The following PDS5A variants were observed in gnomAD, a reference collection of about 807,000 sequenced individuals.
PDS5A encodes the protein sister chromatid cohesion protein PDS5 homolog A.
In PDS5A, 42 loss-of-function variants were observed where a neutral mutation model predicts 167.1. The ratio of observed to expected loss-of-function variants is 0.25; its 90% CI spans 0.20 to 0.33. PDS5A has a LOEUF of 0.33. Among genes scored for constraint, PDS5A ranks in the 10% least tolerant of loss-of-function variants. The pLI is 1.00. For synonymous variants in PDS5A, 553 were observed against 554.6 expected, an observed-to-expected ratio of 1.00 and a Z score of 0.04; for missense variants, 1,033 against 1,605.9, an observed-to-expected ratio of 0.64 and a Z score of 6.10.
chr4:39,930,247 G>GATTTTTTTTTT (rs1725914090), intron 2 of PDS5A, among the ~76,000 whole-genome samples: 1 of 61,952 alleles, frequency 1.6e-5, no homozygotes, highest in Non-Finnish European at 3.2e-5. Flanking sequence ...AAAAAAAAAA[G>GATTTTTTTTTT]TTTTTTTGTT....
At chr4:39,861,902 TC>T (rs1256235268) in intron 26 of PDS5A, among the ~76,000 whole-genome samples, 3 of 152,162 alleles carry the variant, frequency 2.0e-5, no homozygotes, top group African/African-American at 4.8e-5. Context: ...TTCACATACT[TC>T]AGTACTCTTC....
At chr4:39,852,947 T>C (rs1718236235) in intron 26 of PDS5A, among the ~76,000 whole-genome samples, 1 of 152,164 alleles carries the variant, frequency 6.6e-6, no homozygotes, top group South Asian at 2.1e-4. Flanking sequence ...TTCCTAGACT[T>C]TGTTAATCTT....
At chr4:39,908,635 C>T (rs962725756) in intron 10 of PDS5A, 95 bp from the exon 11 acceptor site, 1 of 726,782 alleles carries the variant, frequency 1.4e-6, no homozygotes, top group African/African-American at 1.8e-5. Flanking sequence ...AGTTTTTGTC[C>T]ATACTAAAGC....
At chr4:39,861,800 A>C (rs1019164046) in intron 26 of PDS5A, among the ~76,000 whole-genome samples, 1 of 152,224 alleles carries the variant, frequency 6.6e-6, no homozygotes, top group African/African-American at 2.4e-5. Context: ...TATGTATCAA[A>C]ATTTTTTAAA....
intron 2 of PDS5A, among the ~76,000 whole-genome samples, chr4:39,934,077 C>G (rs1030311982): frequency 3.9e-5 from 6 of 152,142 alleles, no homozygotes; most frequent in African/African-American, 1.2e-4. Context: ...TGGTACTAAT[C>G]TATTAAACTG....
At chr4:39,844,049 C>G (rs1244245493) in intron 30 of PDS5A, among the ~76,000 whole-genome samples, 2 of 151,996 alleles carry the variant, frequency 1.3e-5, no homozygotes, top group Non-Finnish European at 1.5e-5. Flanking sequence ...ACTTGGGATG[C>G]TGAAGCGAGA....
intron 2 of PDS5A, among the ~76,000 whole-genome samples, chr4:39,928,972 TA>T (rs1262851738): frequency 6.6e-6 from 1 of 151,912 alleles, no homozygotes; most frequent in Non-Finnish European, 1.5e-5. Context: ...TGAAAAAAAA[TA>T]AAAGAAAAAT....
At chr4:39,928,218 G>T in intron 2 of PDS5A, 54 bp from the exon 3 acceptor site, 2 of 1,188,120 alleles carry the variant, frequency 1.7e-6, no homozygotes, top group Non-Finnish European at 1.2e-6. Flanking sequence ...TTAGAAATCA[G>T]TGGAGGATGT....
intron 11 of PDS5A, among the ~76,000 whole-genome samples, chr4:39,908,168 A>G (rs955895818): frequency 6.6e-6 from 1 of 152,220 alleles, no homozygotes; most frequent in Non-Finnish European, 1.5e-5. Flanking sequence ...AAGGTATGAT[A>G]GAAAAGAAAC....
At chr4:39,896,026 G>GT (rs34412885) in intron 16 of PDS5A, among the ~76,000 whole-genome samples, 31,645 of 132,836 alleles carry the variant, frequency 0.24, 4,198 homozygotes, top group Middle Eastern at 0.36. Context: ...ACCTGGCCCG[G>GT]TTTTTTTTTT....
chr4:39,878,866 C>G (rs965646380), intron 18 of PDS5A, among the ~76,000 whole-genome samples: 8 of 152,030 alleles, frequency 5.3e-5, no homozygotes, highest in African/African-American at 1.9e-4. Context: ...GCCTCAGCCT[C>G]CGAAGTAGCT....
chr4:39,921,286 A>T (rs367928483), intron 6 of PDS5A, among the ~76,000 whole-genome samples: 6 of 152,346 alleles, frequency 3.9e-5, no homozygotes, highest in African/African-American at 1.4e-4. Context: ...ATAAAATCTT[A>T]CTTACATAAA....
At chr4:39,922,312 T>C (rs1457707049) in intron 6 of PDS5A, among the ~76,000 whole-genome samples, 1 of 152,200 alleles carries the variant, frequency 6.6e-6, no homozygotes, top group African/African-American at 2.4e-5. Context: ...TACATTTCTT[T>C]TCCAAACAAA....
chr4:39,908,421 C>G lies in PDS5A; in HGVS notation c.1207G>C (p.Val403Leu). 1 of 1,613,378 alleles carries G rather than the reference C, an allele frequency of 6.2e-7. No individual in the cohort carries two copies. Among genetic ancestry groups the G allele is most frequent in the Non-Finnish European group, 8.5e-7 (1 of 1,179,452 alleles). Reference protein sequence around the residue: ...ALVNDQLLGFVRERTLDKRWR... With the variant: ...ALVNDQLLGFLRERTLDKRWR... ...CGTTTATCCAGTGTTCTTTCCCTTA[C>G]AAAGCCAAGCAGCTGATCATTTACT... Residue 403 changes from valine to leucine, a missense_variant, in exon 11 of 33, where the codon GTA becomes CTA. By Grantham distance (32) the Val-to-Leu change is conservative. Coordinates refer to ENST00000303538, the MANE Select transcript of PDS5A (RefSeq NM_001100399.2).
At chr4:39,862,553 C>T (rs1307875988) in intron 25 of PDS5A, among the ~76,000 whole-genome samples, 1 of 152,066 alleles carries the variant, frequency 6.6e-6, no homozygotes, top group Non-Finnish European at 1.5e-5. Flanking sequence ...TCAAAGGTAT[C>T]AGATATTAAA....
chr4:39,964,463 G>A (rs768848234), intron 2 of PDS5A, among the ~76,000 whole-genome samples: 1 of 152,148 alleles, frequency 6.6e-6, no homozygotes, highest in Admixed American at 6.6e-5. Flanking sequence ...CATCACTTTC[G>A]GAGGCTGAGG....
chr4:39,902,296 A>T, intron 13 of PDS5A, 51 bp downstream of exon 13: 1 of 803,136 alleles, frequency 1.2e-6, no homozygotes, highest in Non-Finnish European at 2.1e-6. Flanking sequence ...AAGATGAAGT[A>T]ATTTTACGAA....
At chr4:39,878,844 A>G (rs1720698486) in intron 18 of PDS5A, among the ~76,000 whole-genome samples, 1 of 151,854 alleles carries the variant, frequency 6.6e-6, no homozygotes, top group Admixed American at 6.6e-5. Flanking sequence ...CCTGGGTTCC[A>G]GTGATTCTCC....
At chr4:39,850,469 C>G (rs1350349680) in intron 26 of PDS5A, among the ~76,000 whole-genome samples, 1 of 151,970 alleles carries the variant, frequency 6.6e-6, no homozygotes, top group East Asian at 1.9e-4. Context: ...AAGTGACACC[C>G]TCTCAAAAGA....
Sources: allele counts gnomAD v4.1 joint callset (sites outside exome capture counted in the v4.1 genomes callset), GRCh38; gene constraint gnomAD v4.1.1; transcripts MANE v1.5; gene names NCBI Gene and HGNC (gene_info 2026-07-23, HGNC 2026-07-21).